The following HSD17B12 variants were observed in gnomAD, a reference collection of about 807,000 sequenced individuals.
HSD17B12 encodes the protein hydroxysteroid 17-beta dehydrogenase 12.
Under a neutral mutation model 39.3 loss-of-function variants are expected in HSD17B12, and 32 were observed. The ratio of observed to expected loss-of-function variants is 0.81; its 90% CI spans 0.61 to 1.09. The LOEUF (loss-of-function observed/expected upper bound fraction) is 1.09. HSD17B12 is among the 50% of genes least tolerant of loss of function. The probability of loss-of-function intolerance (pLI) is 0.00; values close to 1 mark genes in which losing one functional copy is unlikely to be tolerated. For missense variants in HSD17B12, 342 were observed against 382.9 expected (o/e 0.89, Z 0.89); for synonymous variants, 150 against 146.7 (o/e 1.02, Z -0.16).
rs771944202 is a variant in HSD17B12, at chr11:43,830,938, C to G, written c.502-38C>G. On this transcript the variant is annotated intron_variant, in intron 6 of 10. Transcript: ENST00000278353. ...TTCACTCTTTTTCTGTTGCCTGCAT[C>G]CTTGGCCATCATGAATGTTTTGCTT... is the stretch of plus-strand genomic sequence containing the variant. The G allele has an allele frequency of 5.7e-6, 9 of 1,582,404 alleles. No homozygotes were observed. In the South Asian group the frequency reaches 9.0e-5, roughly 16 times the overall value.
At chr11:43,830,771 G>T (rs964559181) in intron 6 of HSD17B12, 2 of 404,014 alleles carry the variant, frequency 5.0e-6, no homozygotes, top group Non-Finnish European at 8.9e-6. Flanking sequence ...TATTCCCTGT[G>T]TTCTCTCCAG....
At chr11:43,688,561 A>G (rs1489939422) in intron 1 of HSD17B12, among the ~76,000 whole-genome samples, 1 of 152,248 alleles carries the variant, frequency 6.6e-6, no homozygotes, top group African/African-American at 2.4e-5. Context: ...ATTCCAGGAA[A>G]ACTATCCAGT....
chr11:43,610,764 A>G, the HSD17B12 span, among the ~76,000 whole-genome samples: 3 of 152,156 alleles, frequency 2.0e-5, no homozygotes, highest in South Asian at 2.1e-4. Flanking sequence ...CAAAAATGGC[A>G]TTTTTAAAAA....
chr11:43,650,994 C>G, the HSD17B12 span, among the ~76,000 whole-genome samples: 2 of 152,184 alleles, frequency 1.3e-5, no homozygotes, highest in Admixed American at 1.3e-4. Context: ...CAGACACGCA[C>G]TGAGGGTCTT....
the HSD17B12 span, among the ~76,000 whole-genome samples, chr11:43,652,395 T>C: frequency 6.6e-6 from 1 of 152,210 alleles, no homozygotes; most frequent in South Asian, 2.1e-4. Flanking sequence ...TGGAGATTTT[T>C]CCCCTACACA....
the HSD17B12 span, among the ~76,000 whole-genome samples, chr11:43,602,174 C>T: frequency 6.6e-6 from 1 of 152,102 alleles, no homozygotes; most frequent in African/African-American, 2.4e-5. Flanking sequence ...TATTGAGGAG[C>T]CGATCTACAG....
the HSD17B12 span, among the ~76,000 whole-genome samples, chr11:43,596,619 T>G: frequency 1.3e-5 from 2 of 151,778 alleles, no homozygotes; most frequent in Non-Finnish European, 2.9e-5. Context: ...CTTTAGTTAT[T>G]TATAGAAACA....
At chr11:43,598,961 A>G in the HSD17B12 span, among the ~76,000 whole-genome samples, 3 of 152,356 alleles carry the variant, frequency 2.0e-5, no homozygotes, top group South Asian at 6.2e-4. Context: ...ACATTTAAAA[A>G]TCTGAGTTTG....
chr11:43,697,444 T>C (rs779473010), intron 1 of HSD17B12, among the ~76,000 whole-genome samples: 21 of 152,216 alleles, frequency 1.4e-4, no homozygotes, highest in Non-Finnish European at 2.9e-4. Context: ...TTTCTAAATA[T>C]CTTAATTGAC....
chr11:43,561,180 T>G, the HSD17B12 span, among the ~76,000 whole-genome samples: 1 of 152,176 alleles, frequency 6.6e-6, no homozygotes, highest in South Asian at 2.1e-4. Flanking sequence ...TGTACTTAGG[T>G]TTCACCACCT....
At chr11:43,634,817 T>G in the HSD17B12 span, among the ~76,000 whole-genome samples, 2 of 152,316 alleles carry the variant, frequency 1.3e-5, no homozygotes, top group South Asian at 4.1e-4. Context: ...ATTAGCCACT[T>G]TAAAGAGGGC....
chr11:43,585,247 T>C, the HSD17B12 span, among the ~76,000 whole-genome samples: 5 of 152,252 alleles, frequency 3.3e-5, no homozygotes, highest in Non-Finnish European at 5.9e-5. Flanking sequence ...CAAAATCTCT[T>C]GCTATAGAGC....
chr11:43,714,052 G>T (rs1231352957), intron 1 of HSD17B12, among the ~76,000 whole-genome samples: 1 of 152,110 alleles, frequency 6.6e-6, no homozygotes, highest in Non-Finnish European at 1.5e-5. Flanking sequence ...GATTGCAAAA[G>T]TTTTCTCCCA....
chr11:43,601,221 G>A, the HSD17B12 span, among the ~76,000 whole-genome samples: 4 of 151,452 alleles, frequency 2.6e-5, no homozygotes, highest in Admixed American at 2.6e-4. Context: ...GTTCTTATTA[G>A]GCTATTTTCT....
chr11:43,624,036 A>G, the HSD17B12 span, among the ~76,000 whole-genome samples: 1 of 150,750 alleles, frequency 6.6e-6, no homozygotes, highest in Non-Finnish European at 1.5e-5. Context: ...GAGTTGAAGC[A>G]ATTATTCAGA....
chr11:43,823,066 G>C (rs1048503597), intron 6 of HSD17B12, among the ~76,000 whole-genome samples: 2 of 151,626 alleles, frequency 1.3e-5, no homozygotes, highest in Non-Finnish European at 2.9e-5. Flanking sequence ...TTTTGGGGGG[G>C]TCAGTATAAG....
chr11:43,613,568 T>C, the HSD17B12 span, among the ~76,000 whole-genome samples: 1 of 152,058 alleles, frequency 6.6e-6, no homozygotes, highest in Non-Finnish European at 1.5e-5. Flanking sequence ...GTGATAACTT[T>C]CTTATTTTAT....
the HSD17B12 span, among the ~76,000 whole-genome samples, chr11:43,613,555 A>C: frequency 6.6e-6 from 1 of 152,086 alleles, no homozygotes; most frequent in Non-Finnish European, 1.5e-5. Context: ...AACCAATTGA[A>C]AAGTGATAAC....
At chr11:43,589,866 T>C in the HSD17B12 span, among the ~76,000 whole-genome samples, 5 of 152,218 alleles carry the variant, frequency 3.3e-5, no homozygotes, top group African/African-American at 9.6e-5. Flanking sequence ...AGTTATCAGC[T>C]GCACGCCCTT....
Sources: gnomAD v4.1 joint callset for allele counts (sites outside exome capture counted in the v4.1 genomes callset) on GRCh38, gnomAD v4.1.1 for gene constraint, MANE v1.5 for transcripts, NCBI Gene and HGNC (gene_info 2026-07-23, HGNC 2026-07-21) for gene names.